The following RBFOX3 variants were observed in gnomAD, a reference collection of about 807,000 sequenced individuals.
RBFOX3 encodes the protein RNA binding protein fox-1 homolog 3.
A neutral mutation model predicts 48.7 loss-of-function variants in RBFOX3; 17 were observed. The observed-to-expected ratio is 0.35, with a 90% CI of 0.24 to 0.52. The LOEUF is 0.52. RBFOX3 is among the 20% of genes least tolerant of loss of function. The pLI is 0.94. For synonymous variants in RBFOX3, 212 were observed against 209.5 expected, an observed-to-expected ratio of 1.01 and a Z score of -0.10; for missense variants, 382 against 497.5, an observed-to-expected ratio of 0.77 and a Z score of 2.21.
chr17:79,166,195 C>G (rs990677529), intron 4 of RBFOX3, among the ~76,000 whole-genome samples: 9 of 152,122 alleles, frequency 5.9e-5, no homozygotes, highest in Admixed American at 6.5e-5. Context: ...CCCAGACAAA[C>G]TGGAGGATGC....
the RBFOX3 span, among the ~76,000 whole-genome samples, chr17:79,629,441 G>A: frequency 1.3e-5 from 2 of 152,146 alleles, no homozygotes; most frequent in Non-Finnish European, 2.9e-5. Context: ...CAAAACAAAA[G>A]CCCACTTCCA....
Position 79,481,855 on chromosome 17 carries a change from T to C in RBFOX3, c.-175+599A>G, listed in dbSNP as rs1465644895. Among the ~76,000 whole-genome samples, 2 of 152,226 alleles carry C rather than the reference T, an allele frequency of 1.3e-5. No individual in the cohort carries two copies. The highest frequency in any genetic ancestry group is 4.8e-5 in the African/African-American group (2 of 41,448). ...TCCTGGGAACCTCTGAATTTGCCACTGGTCACAAGTGCAGGTGACCCTGGC... is the reference window on the plus strand; with the variant it reads ...TCCTGGGAACCTCTGAATTTGCCACCGGTCACAAGTGCAGGTGACCCTGGC... On this transcript the variant is annotated intron_variant, in intron 2 of 14. Coordinates refer to ENST00000693108, the MANE Select transcript of RBFOX3 (RefSeq NM_001350451.2). The surrounding 1 kb of genome is among the most constrained non-coding windows in gnomAD (Gnocchi z 5.4).
At chr17:79,125,713 C>T (rs2037038980) in intron 4 of RBFOX3, among the ~76,000 whole-genome samples, 1 of 152,254 alleles carries the variant, frequency 6.6e-6, no homozygotes. Flanking sequence ...CAGACGGCTC[C>T]CGCCTGCGGG....
rs1334303800 is a variant in RBFOX3, at chr17:79,480,846, C to A, written c.-175+1608G>T. On this transcript the variant is annotated intron_variant, in intron 2 of 14. Transcript: ENST00000693108. This position sits in a 1 kb window ranked among gnomAD's most constrained non-coding sequence, Gnocchi z 4.8. ...CATTTATCTTCACAGCGTTATGGCGCCTGACATACATTTATTCGCCATGTC... is the reference window on the plus strand; with the variant it reads ...CATTTATCTTCACAGCGTTATGGCGACTGACATACATTTATTCGCCATGTC... Among the ~76,000 whole-genome samples the A allele has an allele frequency of 6.6e-6, 1 of 152,332 alleles. No individual in the cohort carries two copies. The highest frequency in any genetic ancestry group is 2.1e-4 in the South Asian group (1 of 4,824).
At chr17:79,634,508 A>G in the RBFOX3 span, among the ~76,000 whole-genome samples, 2 of 152,186 alleles carry the variant, frequency 1.3e-5, no homozygotes, top group African/African-American at 4.8e-5. Context: ...GAGCTGCCCC[A>G]GAACCCCGGC....
chr17:79,312,286 G>GAAAAAAAA, intron 2 of RBFOX3, among the ~76,000 whole-genome samples: 1 of 143,170 alleles, frequency 7.0e-6, no homozygotes, highest in East Asian at 2.0e-4. Context: ...AGCAGATTAA[G>GAAAAAAAA]AAAAAAAAAA....
chr17:79,378,013 T>C (rs1390555777), intron 2 of RBFOX3, among the ~76,000 whole-genome samples: 1 of 152,232 alleles, frequency 6.6e-6, no homozygotes, highest in Non-Finnish European at 1.5e-5. Flanking sequence ...TATTCATTTT[T>C]ATACCAATGC....
intron 3 of RBFOX3, among the ~76,000 whole-genome samples, chr17:79,300,540 A>G (rs2075140907): frequency 6.6e-6 from 1 of 152,222 alleles, no homozygotes; most frequent in Non-Finnish European, 1.5e-5. Context: ...TGTGTGGGTT[A>G]AATAAGCTTA....
chr17:79,584,540 ATGTGTGTGTATG>A (rs1330906672), intron 1 of RBFOX3, among the ~76,000 whole-genome samples: 1 of 143,084 alleles, frequency 7.0e-6, no homozygotes, highest in African/African-American at 2.8e-5. Flanking sequence ...ATATATACAT[ATGTGTGTGTATG>A]TGTGTGTGTG....
intron 4 of RBFOX3, among the ~76,000 whole-genome samples, chr17:79,190,426 A>AT (rs1274482920): frequency 1.4e-5 from 1 of 69,604 alleles, no homozygotes; most frequent in East Asian, 3.8e-4. Flanking sequence ...AAAAAAAAAA[A>AT]AAAAACAAAA....
In RBFOX3 at chr17:79,481,607, A is replaced by T. The variant is rs993117289; in HGVS notation, c.-175+847T>A. Among the ~76,000 whole-genome samples the T allele has an allele frequency of 9.9e-4, 150 of 152,204 alleles. No homozygotes were observed. The highest frequency in any genetic ancestry group is 3.4e-3 in the African/African-American group (141 of 41,546). ...CACTCCCCACCTCAGGGGAGCAGAG[A>T]GGGCTAGAGACAGCTCAGTCACGTG... On this transcript the variant is annotated intron_variant, in intron 2 of 14. Coordinates refer to ENST00000693108, the MANE Select transcript of RBFOX3 (RefSeq NM_001350451.2). This position sits in a 1 kb window ranked among gnomAD's most constrained non-coding sequence, Gnocchi z 5.4.
At chr17:79,617,335 C>T in the RBFOX3 span, among the ~76,000 whole-genome samples, 1 of 152,122 alleles carries the variant, frequency 6.6e-6, no homozygotes, top group Non-Finnish European at 1.5e-5. Flanking sequence ...CCAGAAGCAC[C>T]CCTAGATGCT....
the RBFOX3 span, among the ~76,000 whole-genome samples, chr17:79,620,197 A>G: frequency 2.2e-4 from 33 of 148,050 alleles, no homozygotes; most frequent in African/African-American, 6.5e-4. Context: ...GCACATGCAC[A>G]CACGTGCACA....
At chr17:79,153,741 C>T (rs1476487041) in intron 4 of RBFOX3, among the ~76,000 whole-genome samples, 3 of 152,224 alleles carry the variant, frequency 2.0e-5, no homozygotes, top group Non-Finnish European at 4.4e-5. Flanking sequence ...ACCTGGGCAC[C>T]TGACTTCCCA....
Position 79,374,170 on chromosome 17 carries a change from G to A in RBFOX3, c.-174-66346C>T, listed in dbSNP as rs75408122. On this transcript the variant is annotated intron_variant, in intron 2 of 14. Transcript: ENST00000693108. ...GAGCCACCTCGCCTGGCTTTGTGAT[G>A]AGTTTTCTAAGCACCTGGTGCAGCT... 5.2e-3 allele frequency among the ~76,000 whole-genome samples: 794 copies of A among 152,314 alleles called. 8 individuals are homozygous for A. Among genetic ancestry groups the A allele is most frequent in the African/African-American group, 0.018 (752 of 41,570 alleles).
intron 4 of RBFOX3, among the ~76,000 whole-genome samples, chr17:79,169,312 T>C (rs2048658668): frequency 6.6e-6 from 1 of 152,140 alleles, no homozygotes. Flanking sequence ...ACTCAGATGC[T>C]GGGGTAGCGG....
chr17:79,473,679 C>T lies in RBFOX3; in HGVS notation c.-175+8775G>A, dbSNP rs2077329580. Among the ~76,000 whole-genome samples, 1 of 152,198 alleles carries T rather than the reference C, an allele frequency of 6.6e-6. No homozygotes were observed. The highest frequency in any genetic ancestry group is 1.5e-5 in the Non-Finnish European group (1 of 68,042). On this transcript the variant is annotated intron_variant, in intron 2 of 14. Coordinates refer to ENST00000693108, the MANE Select transcript of RBFOX3 (RefSeq NM_001350451.2). This position sits in a 1 kb window ranked among gnomAD's most constrained non-coding sequence, Gnocchi z 4.2. ...GCAGGTGGCCACACCCTGCAAGCTC[C>T]CTGTAATTCCAGCCATTACTCAGCA...
At chr17:79,549,304 G>A (rs782805255) in intron 1 of RBFOX3, among the ~76,000 whole-genome samples, 8 of 152,196 alleles carry the variant, frequency 5.3e-5, no homozygotes, top group Non-Finnish European at 7.4e-5. Flanking sequence ...GAGAAGCTCC[G>A]CCCCCTGGCT....
intron 2 of RBFOX3, among the ~76,000 whole-genome samples, chr17:79,453,201 C>T (rs1170331133): frequency 5.3e-5 from 8 of 152,340 alleles, no homozygotes; most frequent in East Asian, 3.9e-4. Context: ...CTGAAGAGTG[C>T]GTGTTGGCTC....
Sources: allele counts gnomAD v4.1 joint callset (sites outside exome capture counted in the v4.1 genomes callset), GRCh38; gene constraint gnomAD v4.1.1; non-coding constraint Gnocchi (gnomAD v3.1); transcripts MANE v1.5; gene names NCBI Gene and HGNC (gene_info 2026-07-23, HGNC 2026-07-21).